Variants in SUCLG2 observed in about 807,000 individuals in gnomAD.
SUCLG2 encodes the protein succinate-CoA ligase GDP-forming subunit beta, also known as succinate--CoA ligase [GDP-forming] subunit beta, mitochondrial.
In SUCLG2, 42 loss-of-function variants were observed where a neutral mutation model predicts 47.9. The observed-to-expected ratio is 0.88, with a 90% CI of 0.69 to 1.14. The LOEUF (loss-of-function observed/expected upper bound fraction) is 1.14. Ranked by LOEUF, SUCLG2 falls within the 50% of genes most tolerant of loss-of-function variation. The pLI is 0.00. For synonymous variants in SUCLG2, 195 were observed against 197.3 expected (o/e 0.99, Z 0.10); for missense variants, 571 against 525.9 (o/e 1.09, Z -0.84).
chr3:67,403,232 T>TG (rs1171927042), intron 9 of SUCLG2, among the ~76,000 whole-genome samples: 2 of 152,180 alleles, frequency 1.3e-5, no homozygotes, highest in Admixed American at 6.5e-5. Context: ...TACTGAGAAA[T>TG]GAATAGCTGT....
In SUCLG2 at chr3:67,461,552, A is replaced by T. The variant is rs146575501; in HGVS notation, c.1062+34246T>A. ...ATCAGAAAAGGAGGACCTTCCATCT[A>T]GTACTAGTACTAGTACTAGAATTTT... On this transcript the variant is annotated intron_variant, in intron 9 of 10. Coordinates refer to ENST00000307227, the MANE Select transcript of SUCLG2 (RefSeq NM_003848.4). Among the ~76,000 whole-genome samples the T allele has an allele frequency of 6.4e-3, 975 of 151,866 alleles. 27 individuals carry two copies. Among genetic ancestry groups the T allele is most frequent in the Admixed American group, 0.058 (885 of 15,248 alleles).
intron 1 of SUCLG2, among the ~76,000 whole-genome samples, chr3:67,628,354 A>G (rs1023795958): frequency 9.2e-5 from 14 of 152,232 alleles, no homozygotes; most frequent in African/African-American, 3.4e-4. Context: ...AAGATGGTCA[A>G]AGGTAGATTT....
intron 2 of SUCLG2, among the ~76,000 whole-genome samples, chr3:67,586,863 T>C (rs1449751740): frequency 6.6e-6 from 1 of 152,182 alleles, no homozygotes. Flanking sequence ...CTGACTCCTA[T>C]GGGCTTAGTC....
At position 67,464,357 on chromosome 3, in the gene SUCLG2, T is replaced by C. The variant is rs529253061; in HGVS notation, c.1062+31441A>G. On this transcript the variant is annotated intron_variant, in intron 9 of 10. Coordinates refer to ENST00000307227, the MANE Select transcript of SUCLG2 (RefSeq NM_003848.4). ...GTGTGCAATTTTACAAGCGTGTGTA[T>C]GCATCCTTCCTGGGAATAGCGCTTT... Among the ~76,000 whole-genome samples the C allele has an allele frequency of 5.3e-5, 8 of 152,326 alleles. No individual in the cohort carries two copies. In the East Asian group the frequency reaches 1.4e-3, roughly 26 times the overall value.
At chr3:67,437,214 C>T (rs1703646690) in intron 9 of SUCLG2, among the ~76,000 whole-genome samples, 1 of 152,076 alleles carries the variant, frequency 6.6e-6, no homozygotes, top group African/African-American at 2.4e-5. Context: ...CGAATTATTT[C>T]ATTTCTATTC....
chr3:67,541,243 T>C (rs1706699312), intron 2 of SUCLG2, among the ~76,000 whole-genome samples: 1 of 152,122 alleles, frequency 6.6e-6, no homozygotes, highest in South Asian at 2.1e-4. Context: ...AGAAGGTGGG[T>C]ATTAACAAAC....
chr3:67,566,658 A>G (rs1475853015), intron 2 of SUCLG2, among the ~76,000 whole-genome samples: 1 of 152,152 alleles, frequency 6.6e-6, no homozygotes, highest in East Asian at 1.9e-4. Context: ...CTATCTTCCA[A>G]TGATTCACTT....
chr3:67,458,112 A>G (rs1196407923), intron 9 of SUCLG2, among the ~76,000 whole-genome samples: 1 of 152,168 alleles, frequency 6.6e-6, no homozygotes, highest in African/African-American at 2.4e-5. Context: ...ACTGGGGATG[A>G]GGGAAGAGGC....
intron 4 of SUCLG2, among the ~76,000 whole-genome samples, chr3:67,524,763 T>C (rs757500198): frequency 2.0e-5 from 3 of 152,158 alleles, no homozygotes; most frequent in African/African-American, 4.8e-5. Context: ...CTGAAAGTTA[T>C]AGAGAAGAAG....
chr3:67,450,593 T>C (rs1391328918), intron 9 of SUCLG2, among the ~76,000 whole-genome samples: 1 of 152,250 alleles, frequency 6.6e-6, no homozygotes, highest in African/African-American at 2.4e-5. Flanking sequence ...GATACTATCA[T>C]CTGGCATTTG....
chr3:67,637,087 G>A (rs889943315), intron 1 of SUCLG2, among the ~76,000 whole-genome samples: 1 of 152,122 alleles, frequency 6.6e-6, no homozygotes, highest in Non-Finnish European at 1.5e-5. Context: ...TCACAAGCCA[G>A]AATCAAGTAT....
intron 2 of SUCLG2, among the ~76,000 whole-genome samples, chr3:67,577,396 AG>A (rs1707770039): frequency 6.6e-6 from 1 of 152,232 alleles, no homozygotes; most frequent in Non-Finnish European, 1.5e-5. Flanking sequence ...CAAAATAATT[AG>A]GACTCAGAGC....
intron 1 of SUCLG2, among the ~76,000 whole-genome samples, chr3:67,624,348 G>A (rs1024327728): frequency 2.1e-4 from 32 of 152,192 alleles, no homozygotes; most frequent in African/African-American, 7.7e-4. Context: ...GATAATTGGT[G>A]TCTGTGAGGT....
At chr3:67,563,031 TATA>T (rs1347907196) in intron 2 of SUCLG2, among the ~76,000 whole-genome samples, 3 of 150,794 alleles carry the variant, frequency 2.0e-5, no homozygotes, top group Admixed American at 6.6e-5. Context: ...GCTTAGGAAT[TATA>T]ATGTGTACGA....
At chr3:67,577,201 G>A (rs753842021) in intron 2 of SUCLG2, among the ~76,000 whole-genome samples, 3 of 152,124 alleles carry the variant, frequency 2.0e-5, no homozygotes, top group Non-Finnish European at 4.4e-5. Flanking sequence ...ACTCCCAGTC[G>A]GGAGGCTGAG....
At chr3:67,443,290 G>T (rs1195166515) in intron 9 of SUCLG2, among the ~76,000 whole-genome samples, 1 of 21,432 alleles carries the variant, frequency 4.7e-5, no homozygotes, top group Non-Finnish European at 1.3e-4. Context: ...ATCTCGGACC[G>T]CCGGGAGGAT....
intron 2 of SUCLG2, among the ~76,000 whole-genome samples, chr3:67,568,386 T>C (rs1301877622): frequency 6.6e-6 from 1 of 152,194 alleles, no homozygotes; most frequent in Non-Finnish European, 1.5e-5. Flanking sequence ...ATATGATTCT[T>C]TGATCCTATG....
Position 67,563,159 on chromosome 3 carries a change from A to T in SUCLG2, c.227-33973T>A, listed in dbSNP as rs2107220067. On this transcript the variant is annotated intron_variant, in intron 2 of 10. Coordinates refer to ENST00000307227, the MANE Select transcript of SUCLG2 (RefSeq NM_003848.4). ...TACATTTTTTAATGTATTCTCTGAA[A>T]ATGTCCCAATACCACAGAATCTGAC... Among the ~76,000 whole-genome samples, 5 of 151,596 alleles carry T rather than the reference A, an allele frequency of 3.3e-5. No homozygotes were observed. The East Asian group carries it at 9.7e-4, about 29-fold the overall frequency.
chr3:67,367,797 T>C (rs1701895413), intron 10 of SUCLG2, among the ~76,000 whole-genome samples: 1 of 152,180 alleles, frequency 6.6e-6, no homozygotes, highest in Non-Finnish European at 1.5e-5. Flanking sequence ...CCATTTTTCT[T>C]CCACACTTAT....
Sources: gnomAD v4.1 joint callset for allele counts (sites outside exome capture counted in the v4.1 genomes callset) on GRCh38, gnomAD v4.1.1 for gene constraint, MANE v1.5 for transcripts, NCBI Gene and HGNC (gene_info 2026-07-23, HGNC 2026-07-21) for gene names.